The following SNW1 variants were observed in gnomAD, a reference collection of about 807,000 sequenced individuals.
SNW1 encodes the protein SNW domain-containing protein 1.
A neutral mutation model predicts 75.6 loss-of-function variants in SNW1; 9 were observed. The observed-to-expected ratio is 0.12, with a 90% CI of 0.07 to 0.21. The LOEUF is 0.21. Among genes scored for constraint, SNW1 ranks in the 10% least tolerant of loss-of-function variants. SNW1 has a pLI of 1.00. For missense variants in SNW1, 409 were observed against 670.9 expected (o/e 0.61, Z 4.31); for synonymous variants, 200 against 219.1 (o/e 0.91, Z 0.77).
intron 11 of SNW1, chr14:77,722,542 A>T: frequency 4.4e-6 from 2 of 451,044 alleles, no homozygotes; most frequent in Non-Finnish European, 8.9e-6. Context: ...CATTTGAGGT[A>T]GAAAAAGAAC....
In SNW1 at chr14:77,738,804, G is replaced by T; in HGVS notation, c.507C>A (p.Asp169Glu). 6.2e-7 allele frequency: 1 copy of T among 1,614,100 alleles called. No homozygotes were observed. Among genetic ancestry groups the T allele is most frequent in the Non-Finnish European group, 8.5e-7 (1 of 1,179,972 alleles). The stretch of plus-strand genomic sequence containing the variant: ...GGATATACTGAGCAGGAGCCAATTT[G>T]TCAGCTGCTCGAACTGGCATGGCTG... ...VAAAMPVRAA[D>E]KLAPAQYIRY... The change falls in exon 5 of 14, where the codon GAC becomes GAA. Residue 169 changes from aspartate to glutamate, a missense_variant. Coordinates refer to ENST00000261531, the MANE Select transcript of SNW1 (RefSeq NM_012245.3).
rs554560764 is a variant in SNW1 at position 77,721,910 on chromosome 14, G to T, written c.1131-1082C>A. On this transcript the variant is annotated intron_variant, in intron 11 of 13. Coordinates refer to ENST00000261531, the MANE Select transcript of SNW1 (RefSeq NM_012245.3). Reference sequence around the variant, plus strand: ...CTACCGGCATGTGCCACCACACCCAGCTAATTTTTGCATTTTTAGTAGAGA... The same window carrying T: ...CTACCGGCATGTGCCACCACACCCATCTAATTTTTGCATTTTTAGTAGAGA... Among the ~76,000 whole-genome samples the T allele has an allele frequency of 4.0e-4, 61 of 152,178 alleles. 2 individuals carry two copies. In the South Asian group the frequency reaches 0.012, roughly 30 times the overall value.
intron 8 of SNW1, among the ~76,000 whole-genome samples, chr14:77,733,437 T>G (rs2080642944): frequency 6.6e-6 from 1 of 152,032 alleles, no homozygotes; most frequent in Non-Finnish European, 1.5e-5. Context: ...CTTAGAATCC[T>G]GAAGTTTTAG....
At chr14:77,722,544 A>C in intron 11 of SNW1, 1 of 450,832 alleles carries the variant, frequency 2.2e-6, no homozygotes, top group South Asian at 1.6e-5. Flanking sequence ...TTTGAGGTAG[A>C]AAAAGAACGG....
At position 77,731,031 on chromosome 14, in the gene SNW1, T is replaced by G; in HGVS notation, c.990A>C (p.Lys330Asn). The change falls in exon 10 of 14, where the codon AAA becomes AAC. Residue 330 changes from lysine (K) to asparagine (N), a missense_variant. Coordinates refer to ENST00000261531, the MANE Select transcript of SNW1 (RefSeq NM_012245.3). ...HEEKLREMAQ[K>N]ARERRAGIKT... ...TGATCCCAGCTCTTCTCTCCCTGGCTTTCTGGGCCATTTCTCTAAGTTTCT... is the reference window on the plus strand; with the variant it reads ...TGATCCCAGCTCTTCTCTCCCTGGCGTTCTGGGCCATTTCTCTAAGTTTCT... 2 of 1,614,170 alleles carry G rather than the reference T, an allele frequency of 1.2e-6. No individual in the cohort carries two copies. Among genetic ancestry groups the G allele is most frequent in the Non-Finnish European group, 1.7e-6 (2 of 1,180,024 alleles).
chr14:77,723,779 C>CA (rs777568289), intron 10 of SNW1, among the ~76,000 whole-genome samples: 12 of 152,162 alleles, frequency 7.9e-5, no homozygotes, highest in Non-Finnish European at 1.8e-4. Context: ...CTCAGCCTCC[C>CA]AAGTAGCTGG....
At chr14:77,733,582 A>G (rs576262582) in intron 8 of SNW1, among the ~76,000 whole-genome samples, 1 of 151,872 alleles carries the variant, frequency 6.6e-6, no homozygotes, top group Non-Finnish European at 1.5e-5. Context: ...CGTCTCTACC[A>G]AAAATACAAA....
At chr14:77,730,000 C>T (rs1396673365) in intron 10 of SNW1, among the ~76,000 whole-genome samples, 3 of 152,202 alleles carry the variant, frequency 2.0e-5, no homozygotes, top group Non-Finnish European at 4.4e-5. Flanking sequence ...CCTTCTTTCT[C>T]ATACAAATCC....
At chr14:77,756,676 G>A (rs2080844339) in intron 1 of SNW1, among the ~76,000 whole-genome samples, 2 of 152,122 alleles carry the variant, frequency 1.3e-5, no homozygotes, top group African/African-American at 2.4e-5. Context: ...TTGAGGTCAG[G>A]AGATCAAGAC....
intron 3 of SNW1, among the ~76,000 whole-genome samples, chr14:77,742,791 T>C (rs1420489905): frequency 6.6e-6 from 1 of 151,476 alleles, no homozygotes; most frequent in African/African-American, 2.4e-5. Flanking sequence ...CTCAAACTCC[T>C]GGCCTCAAAT....
chr14:77,760,481 T>C (rs2080879039), intron 1 of SNW1, among the ~76,000 whole-genome samples: 1 of 152,204 alleles, frequency 6.6e-6, no homozygotes, highest in African/African-American at 2.4e-5. Flanking sequence ...CGGAGAGCAC[T>C]TTACAGACGG....
chr14:77,750,044 A>G (rs114925323), intron 3 of SNW1, among the ~76,000 whole-genome samples: 1,919 of 152,026 alleles, frequency 0.013, 37 homozygotes, highest in African/African-American at 0.041. Flanking sequence ...CTACAAAAAA[A>G]TAATAAATTA....
chr14:77,722,838 C>CTTTTTTTTTTTTTTTTTTTTTTTTTTTT (rs773466539), intron 11 of SNW1: 1 of 252,978 alleles, frequency 4.0e-6, no homozygotes, highest in Non-Finnish European at 7.1e-6. Context: ...TGGTACATAT[C>CTTTTTTTTTTTTTTTTTTTTTTTTTTTT]TTTTTTTTTT....
chr14:77,720,423 C>T lies in SNW1; in HGVS notation c.1248+288G>A. ...GTGTTGGGATTACAGGCAAAAGCCA[C>T]CATGCCTGGCCTCCCTGGTTCTATT... On this transcript the variant is annotated intron_variant, in intron 12 of 13. Coordinates refer to ENST00000261531, the MANE Select transcript of SNW1 (RefSeq NM_012245.3). 4.4e-6 allele frequency: 3 copies of T among 682,844 alleles called. No individual in the cohort carries two copies. In the South Asian group the frequency reaches 4.7e-5, roughly 11 times the overall value. The allele number at this position is 682,844 out of a possible 1,614,324, so 42.3% of individuals were successfully genotyped here.
At chr14:77,743,830 A>G (rs1391541277) in intron 3 of SNW1, among the ~76,000 whole-genome samples, 3 of 152,160 alleles carry the variant, frequency 2.0e-5, no homozygotes, top group Non-Finnish European at 4.4e-5. Flanking sequence ...ATGGTCCTAA[A>G]CAATCAAAGT....
intron 1 of SNW1, among the ~76,000 whole-genome samples, chr14:77,760,167 C>A (rs1425283301): frequency 6.6e-6 from 1 of 152,082 alleles, no homozygotes; most frequent in Admixed American, 6.5e-5. Context: ...GTGTACACAA[C>A]CCCCAGGACA....
At chr14:77,734,074 C>T (rs941928333) in intron 8 of SNW1, 1 of 220,590 alleles carries the variant, frequency 4.5e-6, no homozygotes, top group Non-Finnish European at 9.7e-6. Context: ...CTTAAGAAAC[C>T]TGAAATGGTC....
chr14:77,754,485 C>A (rs969123019), intron 2 of SNW1, among the ~76,000 whole-genome samples: 1 of 152,052 alleles, frequency 6.6e-6, no homozygotes, highest in Non-Finnish European at 1.5e-5. Context: ...TATATATTAA[C>A]ATTCTCAAAT....
chr14:77,746,757 T>A (rs8016416), intron 3 of SNW1, among the ~76,000 whole-genome samples: 127,950 of 151,538 alleles, frequency 0.84, 54,119 homozygotes, highest in African/African-American at 0.89. Flanking sequence ...TTAAGTAAAA[T>A]AAAAAGCAAG....
Sources: gnomAD v4.1 joint callset for allele counts (sites outside exome capture counted in the v4.1 genomes callset) on GRCh38, gnomAD v4.1.1 for gene constraint, MANE v1.5 for transcripts, NCBI Gene and HGNC (gene_info 2026-07-23, HGNC 2026-07-21) for gene names.